RDH10: variants seen among roughly 807,000 people sequenced by gnomAD.
The protein encoded by RDH10 is retinol dehydrogenase 10.
A neutral mutation model predicts 30.2 loss-of-function variants in RDH10; 12 were observed. The observed-to-expected ratio is 0.40, with a 90% CI of 0.25 to 0.64. The LOEUF (loss-of-function observed/expected upper bound fraction) is 0.64. Ranked by LOEUF, RDH10 falls within the 30% of genes least tolerant of loss-of-function variation. The pLI, the probability that RDH10 is intolerant of heterozygous loss-of-function variation, is 0.43. For synonymous variants in RDH10, 189 were observed against 172.2 expected (o/e 1.10, Z -0.76); for missense variants, 268 against 445.2 (o/e 0.60, Z 3.58).
intron 2 of RDH10, among the ~76,000 whole-genome samples, chr8:73,316,349 T>C (rs34902096): frequency 0.39 from 58,829 of 152,044 alleles, 11,885 homozygotes; most frequent in African/African-American, 0.52. Flanking sequence ...AATATATAAA[T>C]TCCATTGTGA....
intron 1 of RDH10, chr8:73,295,781 T>G: frequency 1.0e-6 from 1 of 976,518 alleles, no homozygotes. Context: ...GAAGGTGCCC[T>G]GTCCTCGCGG....
intron 2 of RDH10, chr8:73,313,472 T>C (rs923212217): frequency 6.6e-6 from 1 of 152,188 alleles, no homozygotes; most frequent in Non-Finnish European, 1.5e-5. Flanking sequence ...TCCCTTTTTT[T>C]TTTTAATCAC....
At chr8:73,311,281 T>TA (rs1814560096) in intron 2 of RDH10, 1 of 152,228 alleles carries the variant, frequency 6.6e-6, no homozygotes, top group Non-Finnish European at 1.5e-5. Context: ...CAAGTGGGTT[T>TA]CTGGATTCCA....
At chr8:73,313,335 C>A (rs140143016) in intron 2 of RDH10, 62 of 152,342 alleles carry the variant, frequency 4.1e-4, no homozygotes, top group African/African-American at 1.4e-3. Flanking sequence ...GCTTATATTA[C>A]AAATGTGACC....
intron 2 of RDH10, among the ~76,000 whole-genome samples, chr8:73,303,953 G>T (rs1459532667): frequency 6.6e-6 from 1 of 152,114 alleles, no homozygotes; most frequent in Non-Finnish European, 1.5e-5. Context: ...GTTTTTCTCA[G>T]TTGTTTAAAA....
At position 73,323,975 on chromosome 8, in the gene RDH10, A is replaced by G. The variant is rs1814819978; in HGVS notation, c.*939A>G. On this transcript the variant is annotated 3_prime_UTR_variant, in exon 6 of 6. Coordinates refer to ENST00000240285, the MANE Select transcript of RDH10 (RefSeq NM_172037.5). ...TTGAATTTTTAATTTTATCTCTGAT[A>G]TACTTCATTAAGTGTCTGGAGACCT... 1 of 152,596 alleles carries G rather than the reference A, an allele frequency of 6.6e-6. No homozygotes were observed. Among genetic ancestry groups the G allele is most frequent in the African/African-American group, 2.4e-5 (1 of 41,444 alleles). 9.5% of individuals were successfully genotyped at this position (152,596 alleles called of 1,614,324 possible). A position where few individuals can be genotyped will look rare whatever the true frequency, so the allele number is the denominator to read the frequency against.
chr8:73,307,364 G>A (rs1814481709), intron 2 of RDH10, among the ~76,000 whole-genome samples: 2 of 152,154 alleles, frequency 1.3e-5, no homozygotes, highest in African/African-American at 4.8e-5. Context: ...GGAGGACTAG[G>A]AGCCATACAT....
chr8:73,323,707 A>G lies in RDH10; in HGVS notation c.*671A>G, dbSNP rs1814810416. On this transcript the variant is annotated 3_prime_UTR_variant, in exon 6 of 6. Transcript: ENST00000240285. ...TCGCTCTGTCACCAGGCTGGAGTGCAGTAGCACAATCACGGCTCACTGCAA... is the reference window on the plus strand; with the variant it reads ...TCGCTCTGTCACCAGGCTGGAGTGCGGTAGCACAATCACGGCTCACTGCAA... 6.9e-6 allele frequency: 1 copy of G among 145,790 alleles called. No individual in the cohort carries two copies. Among genetic ancestry groups the G allele is most frequent in the South Asian group, 2.2e-4 (1 of 4,638 alleles). The allele number at this position is 145,790 out of a possible 1,614,324, so 9.0% of individuals were successfully genotyped here. A position where few individuals can be genotyped will look rare whatever the true frequency, so the allele number is the denominator to read the frequency against.
rs534964230 is a variant in RDH10 at position 73,323,999 on chromosome 8, C to T, written c.*963C>T. ...TATACTTCATTAAGTGTCTGGAGAC[C>T]TAATTATCCTAAAAGATCATACATT... On this transcript the variant is annotated 3_prime_UTR_variant, in exon 6 of 6. Coordinates refer to ENST00000240285, the MANE Select transcript of RDH10 (RefSeq NM_172037.5). The T allele has an allele frequency of 6.6e-6, 1 of 152,556 alleles. No individual in the cohort carries two copies. Among genetic ancestry groups the T allele is most frequent in the African/African-American group, 2.4e-5 (1 of 41,426 alleles). The allele number at this position is 152,556 out of a possible 1,614,324, so 9.5% of individuals were successfully genotyped here. A position where few individuals can be genotyped will look rare whatever the true frequency, so the allele number is the denominator to read the frequency against.
At chr8:73,322,057 G>A (rs778209258) in intron 4 of RDH10, 16 of 452,474 alleles carry the variant, frequency 3.5e-5, no homozygotes, top group Non-Finnish European at 5.8e-5. Context: ...TTCCTCCAGT[G>A]TAGCATAGCA....
At chr8:73,309,230 G>C (rs1324743964) in intron 2 of RDH10, among the ~76,000 whole-genome samples, 1 of 152,142 alleles carries the variant, frequency 6.6e-6, no homozygotes, top group East Asian at 1.9e-4. Context: ...CTCTGCCCAG[G>C]GTGGAGTTTT....
chr8:73,304,217 T>C (rs1814429727), intron 2 of RDH10, among the ~76,000 whole-genome samples: 2 of 152,164 alleles, frequency 1.3e-5, no homozygotes, highest in Non-Finnish European at 2.9e-5. Flanking sequence ...AACAAACTCC[T>C]CTTTGCTCCT....
At chr8:73,321,937 C>A (rs1814777833) in intron 4 of RDH10, 1 of 456,100 alleles carries the variant, frequency 2.2e-6, no homozygotes, top group Non-Finnish European at 4.4e-6. Context: ...CCTCTTATCC[C>A]ACACATGTGT....
chr8:73,322,892 G>C, intron 5 of RDH10, 21 bp from the exon 6 acceptor site: 1 of 1,614,082 alleles, frequency 6.2e-7, no homozygotes, highest in Admixed American at 1.7e-5. Context: ...TTTGCTAACA[G>C]CTGTGACTTC....
chr8:73,296,280 C>T (rs994407502), intron 1 of RDH10, among the ~76,000 whole-genome samples: 5 of 151,548 alleles, frequency 3.3e-5, no homozygotes, highest in African/African-American at 1.2e-4. Context: ...CCATAACCAA[C>T]CATAAATATT....
At chr8:73,311,757 C>T (rs1472164695) in intron 2 of RDH10, 1 of 152,162 alleles carries the variant, frequency 6.6e-6, no homozygotes, top group Non-Finnish European at 1.5e-5. Context: ...TTAAGATGAA[C>T]ATTTTGTTAA....
chr8:73,302,237 G>A (rs1012385082), intron 2 of RDH10, among the ~76,000 whole-genome samples: 1 of 152,182 alleles, frequency 6.6e-6, no homozygotes, highest in Non-Finnish European at 1.5e-5. Context: ...AAGACTTAGT[G>A]ATAGATTTGG....
chr8:73,299,498 G>C (rs1647397040), intron 2 of RDH10, among the ~76,000 whole-genome samples: 1 of 152,216 alleles, frequency 6.6e-6, no homozygotes, highest in African/African-American at 2.4e-5. Flanking sequence ...GAATGGTAAA[G>C]ATGAAGCTGC....
Position 73,295,128 on chromosome 8 carries a change from G to A in RDH10, c.-162G>A, listed in dbSNP as rs1167002512. The A allele has an allele frequency of 5.5e-5, 30 of 550,242 alleles. No homozygotes were observed. The highest frequency in any genetic ancestry group is 8.3e-5 in the Non-Finnish European group (29 of 349,012). The allele number at this position is 550,242 out of a possible 1,614,324, so 34.1% of individuals were successfully genotyped here. On this transcript the variant is annotated 5_prime_UTR_variant, in exon 1 of 6. Transcript: ENST00000240285. Reference sequence around the variant, plus strand: ...TGGCCCCGCGCAGGCAGGGAGCGGCGCCGCGCACTCCAACCCGGCGGGCAC... The same window carrying A: ...TGGCCCCGCGCAGGCAGGGAGCGGCACCGCGCACTCCAACCCGGCGGGCAC...
Sources: gnomAD v4.1 joint callset for allele counts (sites outside exome capture counted in the v4.1 genomes callset) on GRCh38, gnomAD v4.1.1 for gene constraint, MANE v1.5 for transcripts, NCBI Gene and HGNC (gene_info 2026-07-23, HGNC 2026-07-21) for gene names.